PTN: variants seen among roughly 807,000 people sequenced by gnomAD.
The protein encoded by PTN is heparin affin regulatory protein.
PTN carries 18 observed loss-of-function variants against 24.1 expected under a neutral mutation model. The observed-to-expected ratio is 0.75, with a 90% CI of 0.52 to 1.11. The LOEUF is 1.11. PTN is among the 50% of genes least tolerant of loss of function. The pLI, the probability that PTN is intolerant of heterozygous loss-of-function variation, is 0.00. For missense variants in PTN, 163 were observed against 198.8 expected (o/e 0.82, Z 1.08); for synonymous variants, 78 against 68.6 (o/e 1.14, Z -0.67).
At position 137,254,932 on chromosome 7, in the gene PTN, T is replaced by G; in HGVS notation, c.42A>C (p.Ala14=). The G allele has an allele frequency of 6.3e-7, 1 of 1,580,126 alleles. No homozygotes were observed. The highest frequency in any genetic ancestry group is 8.7e-7 in the Non-Finnish European group (1 of 1,154,918). ...TGAAAATGAATGCCAAGAAGGCAGCTGCAAATTTTCGACGCTGCTGCTGGT... is the reference window on the plus strand; with the variant it reads ...TGAAAATGAATGCCAAGAAGGCAGCGGCAAATTTTCGACGCTGCTGCTGGT... ...QQYQQQRRKF[A]AAFLAFIFIL... Residue 14 remains alanine (A), a synonymous_variant, in exon 2 of 5, where the codon GCA becomes GCC. Coordinates refer to ENST00000348225, the MANE Select transcript of PTN (RefSeq NM_002825.7).
chr7:137,236,465 T>A (rs1808522690), intron 4 of PTN, among the ~76,000 whole-genome samples: 1 of 152,232 alleles, frequency 6.6e-6, no homozygotes, highest in African/African-American at 2.4e-5. Context: ...CCTTATTTGT[T>A]ATTTACAGAC....
intron 1 of PTN, among the ~76,000 whole-genome samples, chr7:137,268,721 ATCTGGTTCCTTGGTTTCGGG>A (rs1809210486): frequency 6.6e-6 from 1 of 152,032 alleles, no homozygotes; most frequent in Non-Finnish European, 1.5e-5. Context: ...CTGGTTTCAG[ATCTGGTTCCTTGGTTTCGGG>A]TCTGGTTCCT....
At position 137,283,952 on chromosome 7, in the gene PTN, A is replaced by ATTTTTTTTTTTTTTTT. The variant is rs753374720; in HGVS notation, c.-1-28994_-1-28979dup. ...AAATGAATGTGAAAATGAGCATCAG[A>ATTTTTTTTTTTTTTTT]TTTTTTTTTTTTTTTTTTTTTTTTT... On this transcript the variant is annotated intron_variant, in intron 1 of 4. Transcript: ENST00000348225. Among the ~76,000 whole-genome samples the ATTTTTTTTTTTTTTTT allele has an allele frequency of 2.9e-4, 14 of 48,922 alleles. 3 individuals carry two copies. Among genetic ancestry groups the ATTTTTTTTTTTTTTTT allele is most frequent in the Admixed American group, 1.4e-3 (4 of 2,802 alleles). 32.1% of individuals were successfully genotyped at this position (48,922 alleles called of 152,430 possible).
chr7:137,283,217 C>T (rs1809501117), intron 1 of PTN, among the ~76,000 whole-genome samples: 1 of 152,134 alleles, frequency 6.6e-6, no homozygotes, highest in African/African-American at 2.4e-5. Context: ...GTTATTAATG[C>T]CTGGTTCCAT....
At chr7:137,311,275 C>T (rs1465990840) in intron 1 of PTN, among the ~76,000 whole-genome samples, 3 of 150,066 alleles carry the variant, frequency 2.0e-5, no homozygotes, top group Non-Finnish European at 4.4e-5. Context: ...TAAGGCCTTT[C>T]TCTGAATTAG....
chr7:137,341,865 T>C (rs1385314183), intron 1 of PTN, among the ~76,000 whole-genome samples: 1 of 152,098 alleles, frequency 6.6e-6, no homozygotes, highest in East Asian at 1.9e-4. Flanking sequence ...TTTTAAATAA[T>C]ATAATTTTTT....
At chr7:137,343,330 C>A in intron 1 of PTN, 109 bp downstream of exon 1, 1 of 374,646 alleles carries the variant, frequency 2.7e-6, no homozygotes, top group Non-Finnish European at 5.4e-6. Context: ...ACCAGGCAGC[C>A]TCTCTCACCC....
In PTN at chr7:137,252,746, G is replaced by T. The variant is rs1050485721; in HGVS notation, c.289+718C>A. 1.3e-5 allele frequency among the ~76,000 whole-genome samples: 2 copies of T among 151,854 alleles called. 1 individual carries two copies. Among genetic ancestry groups the T allele is most frequent in the African/African-American group, 4.9e-5 (2 of 41,126 alleles). On this transcript the variant is annotated intron_variant, in intron 3 of 4. Transcript: ENST00000348225. ...CCACTATGGCTAAGAAAGACAAAAAGTCTGGATTGTGGAAGAGGTTATTTG... is the reference window on the plus strand; with the variant it reads ...CCACTATGGCTAAGAAAGACAAAAATTCTGGATTGTGGAAGAGGTTATTTG...
chr7:137,313,723 T>C (rs1810021026), intron 1 of PTN, among the ~76,000 whole-genome samples: 3 of 152,314 alleles, frequency 2.0e-5, no homozygotes, highest in East Asian at 1.9e-4. Context: ...CATGAGTAAC[T>C]AATCTGAAAA....
chr7:137,318,110 T>TA (rs961760559), intron 1 of PTN, among the ~76,000 whole-genome samples: 8 of 151,530 alleles, frequency 5.3e-5, no homozygotes, highest in Non-Finnish European at 8.8e-5. Context: ...CTACTGAAAA[T>TA]AAAAAAAATC....
At chr7:137,264,742 G>C (rs1809107765) in intron 1 of PTN, among the ~76,000 whole-genome samples, 1 of 152,160 alleles carries the variant, frequency 6.6e-6, no homozygotes, top group Non-Finnish European at 1.5e-5. Context: ...AGTCAGTCTA[G>C]CATTCATTAG....
In PTN at chr7:137,236,115, T is replaced by A. The variant is rs966448759; in HGVS notation, c.452-8040A>T. The A allele has an allele frequency of 7.1e-6, 5 of 699,544 alleles. No individual in the cohort carries two copies. The African/African-American group carries it at 8.8e-5, about 12-fold the overall frequency. The allele number at this position is 699,544 out of a possible 1,614,324, so 43.3% of individuals were successfully genotyped here. ...GAACAAAATTAATAAAAGTCCCCAATATGTCAGTTATTTTTCAAATCAACT... is the reference window on the plus strand; with the variant it reads ...GAACAAAATTAATAAAAGTCCCCAAAATGTCAGTTATTTTTCAAATCAACT... On this transcript the variant is annotated intron_variant, in intron 4 of 4. Coordinates refer to ENST00000348225, the MANE Select transcript of PTN (RefSeq NM_002825.7).
intron 1 of PTN, among the ~76,000 whole-genome samples, chr7:137,269,651 T>TTTTTA: frequency 7.0e-6 from 1 of 143,732 alleles, no homozygotes; most frequent in Non-Finnish European, 1.5e-5. Context: ...TTTTTTTTTT[T>TTTTTA]GAGACGGAAT....
chr7:137,251,441 C>A (rs1230366291), intron 3 of PTN, 50 bp from the exon 4 acceptor site: 2 of 1,571,732 alleles, frequency 1.3e-6, no homozygotes, highest in Non-Finnish European at 8.7e-7. Context: ...TCCTATCGTA[C>A]TTCCAGGATA....
chr7:137,343,672 C>CTG lies in PTN; in HGVS notation c.-237_-236dup, dbSNP rs765918427. The CTG allele has an allele frequency of 7.8e-6, 4 of 512,492 alleles. No individual in the cohort carries two copies. The Admixed American group carries it at 7.9e-5, about 10-fold the overall frequency. 31.7% of individuals were successfully genotyped at this position (512,492 alleles called of 1,614,324 possible). On this transcript the variant is annotated 5_prime_UTR_variant, in exon 1 of 5. Coordinates refer to ENST00000348225, the MANE Select transcript of PTN (RefSeq NM_002825.7). The stretch of plus-strand genomic sequence containing the variant: ...ATTTTTGGACTGGAAGGCGGGGAAC[C>CTG]TGATCCTGCCTTTGACTCAATTACG...
chr7:137,301,366 C>T (rs1043165722), intron 1 of PTN, among the ~76,000 whole-genome samples: 1 of 151,838 alleles, frequency 6.6e-6, no homozygotes, highest in Non-Finnish European at 1.5e-5. Flanking sequence ...TAAATGTTCA[C>T]AAATCCATCA....
intron 1 of PTN, among the ~76,000 whole-genome samples, chr7:137,319,151 C>A (rs1321742887): frequency 6.6e-6 from 1 of 152,198 alleles, no homozygotes; most frequent in African/African-American, 2.4e-5. Flanking sequence ...GAAATCATTG[C>A]TCTCAAAGTG....
intron 1 of PTN, among the ~76,000 whole-genome samples, chr7:137,284,093 G>A (rs1239346230): frequency 1.3e-5 from 2 of 148,190 alleles, no homozygotes; most frequent in African/African-American, 2.5e-5. Flanking sequence ...CAGCCTCTCC[G>A]AGTAGCTGGG....
At chr7:137,321,557 T>G (rs1810163196) in intron 1 of PTN, among the ~76,000 whole-genome samples, 1 of 152,226 alleles carries the variant, frequency 6.6e-6, no homozygotes, top group Non-Finnish European at 1.5e-5. Context: ...AAAGATATTT[T>G]ATATATAGGT....
Sources: allele counts gnomAD v4.1 joint callset (sites outside exome capture counted in the v4.1 genomes callset), GRCh38; gene constraint gnomAD v4.1.1; transcripts MANE v1.5; gene names NCBI Gene and HGNC (gene_info 2026-07-23, HGNC 2026-07-21).